Variants in NTN1 observed in about 807,000 individuals in gnomAD.
NTN1 encodes the protein netrin-1.
NTN1 carries 11 observed loss-of-function variants against 54.2 expected under a neutral mutation model. The ratio of observed to expected loss-of-function variants is 0.20; its 90% CI spans 0.13 to 0.34. The LOEUF is 0.34. Among genes scored for constraint, NTN1 ranks in the 10% least tolerant of loss-of-function variants. The pLI, the probability that NTN1 is intolerant of heterozygous loss-of-function variation, is 1.00. For missense variants in NTN1, 740 were observed against 893.1 expected, an observed-to-expected ratio of 0.83 and a Z score of 2.18; for synonymous variants, 371 against 382.0, an observed-to-expected ratio of 0.97 and a Z score of 0.33.
chr17:9,036,382 T>C (rs565068103), intron 2 of NTN1, among the ~76,000 whole-genome samples: 94 of 113,516 alleles, frequency 8.3e-4, no homozygotes, highest in Non-Finnish European at 1.4e-3. Context: ...TCGTCTCTTA[T>C]CTTTTTTTTT....
At chr17:9,205,879 T>C (rs1235901463) in intron 5 of NTN1, among the ~76,000 whole-genome samples, 1 of 152,260 alleles carries the variant, frequency 6.6e-6, no homozygotes, top group African/African-American at 2.4e-5. Context: ...CCTCTTCCTA[T>C]GTGGCTGTGC....
At chr17:9,090,054 A>G (rs934629612) in intron 2 of NTN1, among the ~76,000 whole-genome samples, 1 of 152,022 alleles carries the variant, frequency 6.6e-6, no homozygotes, top group African/African-American at 2.4e-5. Context: ...GGAAAGGCTG[A>G]GGCTGGAGGA....
At chr17:9,018,592 C>G (rs1169174107), upstream of NTN1, among the ~76,000 whole-genome samples, 2 of 148,350 alleles carry the variant, frequency 1.3e-5, no homozygotes, top group African/African-American at 5.0e-5. Flanking sequence ...CCATTGCACT[C>G]CAGCCTGGGC....
chr17:9,234,903 C>A (rs1217900609), intron 6 of NTN1, among the ~76,000 whole-genome samples: 1 of 151,808 alleles, frequency 6.6e-6, no homozygotes, highest in Non-Finnish European at 1.5e-5. Flanking sequence ...GCAGTGACCT[C>A]TTCCTGTATA....
intron 2 of NTN1, among the ~76,000 whole-genome samples, chr17:9,045,339 G>A (rs2142194221): frequency 2.6e-5 from 4 of 152,298 alleles, no homozygotes; most frequent in Admixed American, 2.6e-4. Context: ...ACTGACATGG[G>A]GTGCCACCTC....
intron 2 of NTN1, among the ~76,000 whole-genome samples, chr17:9,113,243 T>G (rs904066352): frequency 6.6e-6 from 1 of 151,916 alleles, no homozygotes; most frequent in African/African-American, 2.4e-5. Flanking sequence ...AGGCTGGTCT[T>G]GAACTCCTGA....
intron 5 of NTN1, among the ~76,000 whole-genome samples, chr17:9,207,236 G>A (rs1024212261): frequency 6.6e-6 from 1 of 152,216 alleles, no homozygotes; most frequent in Non-Finnish European, 1.5e-5. Context: ...GTGCCGTGAA[G>A]GAACCACATC....
chr17:9,106,993 G>A (rs191004636), intron 2 of NTN1, among the ~76,000 whole-genome samples: 19 of 152,236 alleles, frequency 1.2e-4, no homozygotes, highest in Non-Finnish European at 5.9e-5. Flanking sequence ...TGAGGAAGCT[G>A]AGCAGCAGAA....
At chr17:9,197,485 C>A (rs4791817) in intron 5 of NTN1, among the ~76,000 whole-genome samples, 23 of 151,458 alleles carry the variant, frequency 1.5e-4, no homozygotes, top group Non-Finnish European at 3.1e-4. Flanking sequence ...ATGGCGAAAC[C>A]CTGTCTCTAC....
At chr17:9,032,509 A>G (rs115080060) in intron 2 of NTN1, among the ~76,000 whole-genome samples, 423 of 152,304 alleles carry the variant, frequency 2.8e-3, no homozygotes, top group African/African-American at 9.7e-3. Flanking sequence ...TCAGAACCAC[A>G]TCTGTGTGGT....
At chr17:9,036,090 G>T (rs1401686079) in intron 2 of NTN1, among the ~76,000 whole-genome samples, 13 of 152,134 alleles carry the variant, frequency 8.5e-5, no homozygotes, top group Admixed American at 8.5e-4. Context: ...TGAATTCTTG[G>T]GCTCAAGGGA....
intron 2 of NTN1, among the ~76,000 whole-genome samples, chr17:9,072,223 G>T (rs894824477): frequency 6.6e-6 from 1 of 151,540 alleles, no homozygotes; most frequent in Middle Eastern, 3.5e-3. Context: ...CCTCCCGGGT[G>T]GCCCTGGAGC....
intron 2 of NTN1, among the ~76,000 whole-genome samples, chr17:9,029,990 C>CA (rs11393526): frequency 0.54 from 80,043 of 148,058 alleles, 21,846 homozygotes; most frequent in East Asian, 0.75. Flanking sequence ...AACTCCGTCT[C>CA]AAAAAAAAAA....
chr17:9,235,919 T>G (rs1905973113), intron 6 of NTN1, among the ~76,000 whole-genome samples: 1 of 151,940 alleles, frequency 6.6e-6, no homozygotes, highest in Non-Finnish European at 1.5e-5. Flanking sequence ...GCCCAGCTAA[T>G]TTTTTGTATT....
chr17:9,193,938 A>AAAAAAACAAAAAAAAAAAAAAAAC, intron 5 of NTN1, among the ~76,000 whole-genome samples: 1 of 108,306 alleles, frequency 9.2e-6, no homozygotes, highest in Non-Finnish European at 1.9e-5. Flanking sequence ...AAAAAAAAAA[A>AAAAAAACAAAAAAAAAAAAAAAAC]AAAAAACATT....
chr17:9,130,963 C>T (rs921895559), intron 2 of NTN1, among the ~76,000 whole-genome samples: 2 of 152,200 alleles, frequency 1.3e-5, no homozygotes, highest in Admixed American at 1.3e-4. Context: ...TCTGTTCCCC[C>T]TCTGCCTAAG....
chr17:9,217,545 G>T (rs558691690), intron 5 of NTN1, among the ~76,000 whole-genome samples: 9 of 152,258 alleles, frequency 5.9e-5, no homozygotes, highest in African/African-American at 2.2e-4. Context: ...CATAGAGAGA[G>T]AACATACGGT....
rs143407451 is a variant in NTN1 at position 9,092,657 on chromosome 17, G to A, written c.1018+69266G>A. 6.6e-3 allele frequency among the ~76,000 whole-genome samples: 1,002 copies of A among 151,676 alleles called. 10 individuals are homozygous for A. Among genetic ancestry groups the A allele is most frequent in the African/African-American group, 0.023 (964 of 41,342 alleles). On this transcript the variant is annotated intron_variant, in intron 2 of 6. Coordinates refer to ENST00000173229, the MANE Select transcript of NTN1 (RefSeq NM_004822.3). ...GGCCCAGGCTGGAGTGCAGTGGTGCGATGTCAGCTCATTGCAACCTTTGTG... is the reference window on the plus strand; with the variant it reads ...GGCCCAGGCTGGAGTGCAGTGGTGCAATGTCAGCTCATTGCAACCTTTGTG...
chr17:9,074,024 G>A (rs773880754), intron 2 of NTN1, among the ~76,000 whole-genome samples: 1 of 152,200 alleles, frequency 6.6e-6, no homozygotes, highest in East Asian at 1.9e-4. Flanking sequence ...TGAGCTCTTT[G>A]TTTGGGGCCA....
Sources: gnomAD v4.1 joint callset for allele counts (sites outside exome capture counted in the v4.1 genomes callset) on GRCh38, gnomAD v4.1.1 for gene constraint, MANE v1.5 for transcripts, NCBI Gene and HGNC (gene_info 2026-07-23, HGNC 2026-07-21) for gene names.